Variants in UCHL3 observed in about 807,000 individuals in gnomAD.
UCHL3 encodes ubiquitin C-terminal hydrolase L3, also known as ubiquitin carboxyl-terminal hydrolase isozyme L3.
In UCHL3, 22 loss-of-function variants were observed where a neutral mutation model predicts 35.8. That is an observed-to-expected ratio of 0.61 (90% CI 0.44 to 0.88). UCHL3 has a LOEUF of 0.88. Among genes scored for constraint, UCHL3 ranks in the 40% least tolerant of loss-of-function variants. UCHL3 has a pLI of 0.00. For synonymous variants in UCHL3, 90 were observed against 92.8 expected, an observed-to-expected ratio of 0.97 and a Z score of 0.17; for missense variants, 229 against 276.9, an observed-to-expected ratio of 0.83 and a Z score of 1.23.
At chr13:75,574,566 A>T (rs1415663006) in intron 6 of UCHL3, among the ~76,000 whole-genome samples, 1 of 152,220 alleles carries the variant, frequency 6.6e-6, no homozygotes, top group Non-Finnish European at 1.5e-5. Flanking sequence ...TCTTCAGCAC[A>T]AAATAGAAAT....
chr13:75,557,961 ATTT>A (rs201586247), intron 2 of UCHL3, among the ~76,000 whole-genome samples: 2,158 of 140,234 alleles, frequency 0.015, 59 homozygotes, highest in African/African-American at 0.051. Flanking sequence ...CATTTTAATG[ATTT>A]TTTTTTTTTT....
intron 7 of UCHL3, among the ~76,000 whole-genome samples, chr13:75,595,361 G>T (rs2032616203): frequency 6.6e-6 from 1 of 151,884 alleles, no homozygotes; most frequent in African/African-American, 2.4e-5. Flanking sequence ...TATTTGGGAG[G>T]CTGAGGCAGG....
At chr13:75,574,395 TC>T (rs2031959400) in intron 6 of UCHL3, among the ~76,000 whole-genome samples, 1 of 152,128 alleles carries the variant, frequency 6.6e-6, no homozygotes. Context: ...AGAATGTAGG[TC>T]CCATGAGGAA....
chr13:75,574,203 A>G (rs1269716129), intron 6 of UCHL3, among the ~76,000 whole-genome samples: 1 of 151,854 alleles, frequency 6.6e-6, no homozygotes, highest in Non-Finnish European at 1.5e-5. Context: ...GGGCAACAGA[A>G]GGAGACTCCA....
chr13:75,601,867 T>G (rs2328960), intron 7 of UCHL3, among the ~76,000 whole-genome samples: 117,088 of 151,876 alleles, frequency 0.77, 45,902 homozygotes, highest in Middle Eastern at 0.88. Context: ...CCCAGCACTT[T>G]GGGAGGCCGA....
At chr13:75,592,438 A>ATG (rs2032516407) in intron 6 of UCHL3, among the ~76,000 whole-genome samples, 2 of 35,510 alleles carry the variant, frequency 5.6e-5, no homozygotes, top group Non-Finnish European at 1.9e-4. Context: ...ATATATATAT[A>ATG]TATATATATA....
intron 7 of UCHL3, among the ~76,000 whole-genome samples, chr13:75,599,521 T>C (rs2032726085): frequency 6.6e-6 from 1 of 152,218 alleles, no homozygotes. Flanking sequence ...TGTTTCTGTG[T>C]CACGCTTTGG....
chr13:75,591,133 A>G (rs1355735930), intron 6 of UCHL3, among the ~76,000 whole-genome samples: 1 of 152,172 alleles, frequency 6.6e-6, no homozygotes, highest in Non-Finnish European at 1.5e-5. Context: ...GCTTAAGAAC[A>G]ATTAAAAGTC....
chr13:75,593,369 G>A (rs967809009), intron 6 of UCHL3, among the ~76,000 whole-genome samples: 5 of 152,136 alleles, frequency 3.3e-5, no homozygotes, highest in African/African-American at 1.2e-4. Context: ...CTCTGACCAG[G>A]AAAGTAAGGG....
At chr13:75,556,630 A>C (rs2031301361) in intron 2 of UCHL3, among the ~76,000 whole-genome samples, 1 of 152,134 alleles carries the variant, frequency 6.6e-6, no homozygotes, top group African/African-American at 2.4e-5. Context: ...ATTTGTTATA[A>C]TTTAGGGACA....
chr13:75,594,992 T>A lies in UCHL3; in HGVS notation c.550+2T>A. 6.3e-7 allele frequency: 1 copy of A among 1,595,144 alleles called. No individual in the cohort carries two copies. Among genetic ancestry groups the A allele is most frequent in the Non-Finnish European group, 8.5e-7 (1 of 1,170,564 alleles). On this transcript the variant is annotated splice_donor_variant, in intron 7 of 8. Coordinates refer to ENST00000377595, the MANE Select transcript of UCHL3 (RefSeq NM_006002.5). LOFTEE classifies it high-confidence loss of function. ...TAGATGGGCATCTCTATGAATTAGGTAAGAACTATTTTAATTTGTCCTGGG... is the reference window on the plus strand; with the variant it reads ...TAGATGGGCATCTCTATGAATTAGGAAAGAACTATTTTAATTTGTCCTGGG...
chr13:75,597,703 C>G (rs767610216), intron 7 of UCHL3, among the ~76,000 whole-genome samples: 1 of 152,038 alleles, frequency 6.6e-6, no homozygotes, highest in Non-Finnish European at 1.5e-5. Flanking sequence ...GAGATGGGGC[C>G]GGTGTCCTGG....
At chr13:75,583,735 A>G (rs1210849448) in intron 6 of UCHL3, among the ~76,000 whole-genome samples, 1 of 152,238 alleles carries the variant, frequency 6.6e-6, no homozygotes, top group African/African-American at 2.4e-5. Context: ...TGTCTATTTA[A>G]GGAATAATAT....
intron 6 of UCHL3, among the ~76,000 whole-genome samples, chr13:75,577,082 T>G (rs1403163281): frequency 6.6e-6 from 1 of 151,968 alleles, no homozygotes; most frequent in Non-Finnish European, 1.5e-5. Context: ...AGACCCTGTA[T>G]GTACAAAAAA....
intron 6 of UCHL3, among the ~76,000 whole-genome samples, chr13:75,575,474 T>A (rs1363777434): frequency 2.0e-5 from 3 of 152,244 alleles, no homozygotes; most frequent in Non-Finnish European, 1.5e-5. Flanking sequence ...CATTTTGTAC[T>A]TTATTCTAGA....
At position 75,605,953 on chromosome 13, in the gene UCHL3, T is replaced by G; in HGVS notation, c.*141T>G. The G allele has an allele frequency of 1.4e-6, 1 of 715,722 alleles. No homozygotes were observed. The highest frequency in any genetic ancestry group is 2.3e-6 in the Non-Finnish European group (1 of 443,894). 44.3% of individuals were successfully genotyped at this position (715,722 alleles called of 1,614,324 possible). On this transcript the variant is annotated 3_prime_UTR_variant, in exon 9 of 9. Coordinates refer to ENST00000377595, the MANE Select transcript of UCHL3 (RefSeq NM_006002.5). ...GTTAAACTTTGCCTTAACCTGTGTT[T>G]TATGTTATTTTTGCTCCAGGTTAAA...
intron 2 of UCHL3, among the ~76,000 whole-genome samples, chr13:75,553,885 T>C (rs2031201487): frequency 6.6e-6 from 1 of 152,160 alleles, no homozygotes; most frequent in African/African-American, 2.4e-5. Context: ...ATCCATGCAG[T>C]GTTTGAGGTG....
intron 6 of UCHL3, among the ~76,000 whole-genome samples, chr13:75,592,494 CT>C (rs67777133): frequency 0.57 from 42,837 of 74,690 alleles, 12,998 homozygotes; most frequent in East Asian, 0.69. Context: ...CATCTATAGC[CT>C]TTTTTTTTTT....
chr13:75,598,732 T>C (rs1313287330), intron 7 of UCHL3, among the ~76,000 whole-genome samples: 8 of 152,250 alleles, frequency 5.3e-5, no homozygotes, highest in Non-Finnish European at 1.2e-4. Context: ...TGGTGATGTT[T>C]AGTGACTTTT....
Sources: allele counts gnomAD v4.1 joint callset (sites outside exome capture counted in the v4.1 genomes callset), GRCh38; gene constraint gnomAD v4.1.1; transcripts MANE v1.5; gene names NCBI Gene and HGNC (gene_info 2026-07-23, HGNC 2026-07-21).